The following COL1A1 variants were observed in gnomAD, a reference collection of about 807,000 sequenced individuals.
The protein encoded by COL1A1 is collagen alpha-1(I) chain.
Under a neutral mutation model 195.7 loss-of-function variants are expected in COL1A1, and 21 were observed. The ratio of observed to expected loss-of-function variants is 0.11; its 90% CI spans 0.08 to 0.15. COL1A1 has a LOEUF of 0.15. Among genes scored for constraint, COL1A1 ranks in the 10% least tolerant of loss-of-function variants. COL1A1 has a pLI of 1.00. For synonymous variants in COL1A1, 749 were observed against 747.3 expected (o/e 1.00, Z -0.04); for missense variants, 1,365 against 2,051.0 (o/e 0.67, Z 6.46).
In COL1A1 at chr17:50,187,856, G is replaced by A. The variant is rs1255761468; in HGVS notation, c.3369+20C>T. ...CCCACAGCACAGCATGGGGACTGGG[G>A]AGGGGCTGAGCATACTTACAGGAGG... On this transcript the variant is annotated intron_variant, in intron 45 of 50. Transcript: ENST00000225964. The A allele has an allele frequency of 1.3e-6, 2 of 1,573,372 alleles. No homozygotes were observed. The highest frequency in any genetic ancestry group is 1.7e-6 in the Non-Finnish European group (2 of 1,155,530).
chr17:50,188,822 G>C lies in COL1A1; in HGVS notation c.3046-27C>G. Reference sequence around the variant, plus strand: ...TGCAGAGAGAGAGAGAGAGAAGTGAGAGTCAGCCGGGGAAGAGGGCTTAGG... The same window carrying C: ...TGCAGAGAGAGAGAGAGAGAAGTGACAGTCAGCCGGGGAAGAGGGCTTAGG... On this transcript the variant is annotated intron_variant, in intron 41 of 50. Transcript: ENST00000225964. This position sits in a 1 kb window ranked among gnomAD's most constrained non-coding sequence, Gnocchi z 5.6. The C allele has an allele frequency of 3.1e-6, 5 of 1,612,838 alleles. No individual in the cohort carries two copies. The highest frequency in any genetic ancestry group is 4.2e-6 in the Non-Finnish European group (5 of 1,178,898).
rs772949511 is a variant in COL1A1, at chr17:50,195,398, G to T, written c.1200+36C>A. 2.9e-5 allele frequency: 46 copies of T among 1,613,790 alleles called. No homozygotes were observed. The highest frequency in any genetic ancestry group is 3.7e-5 in the Non-Finnish European group (44 of 1,179,806). ...GGAAAGGGGCAGGCAGGCTGCAGGC[G>T]GCAGGAGTGGGACTGAAGCCTGGCA... On this transcript the variant is annotated intron_variant, in intron 18 of 50. Transcript: ENST00000225964. The surrounding 1 kb of genome is among the most constrained non-coding windows in gnomAD (Gnocchi z 4.3).
rs938646445 is a variant in COL1A1, at chr17:50,188,258, C to T, written c.3208-109G>A. 4.9e-5 allele frequency: 55 copies of T among 1,127,524 alleles called. 2 individuals are homozygous for T. The East Asian group carries it at 1.4e-3, about 29-fold the overall frequency. 69.8% of individuals were successfully genotyped at this position (1,127,524 alleles called of 1,614,324 possible). ...TCTCTCTCTCCTCAGCTGCTTCCCA[C>T]TGTGGCCATCTCTCCCAACTCCCAG... On this transcript the variant is annotated intron_variant, in intron 43 of 50. Coordinates refer to ENST00000225964, the MANE Select transcript of COL1A1 (RefSeq NM_000088.4). The surrounding 1 kb of genome is among the most constrained non-coding windows in gnomAD (Gnocchi z 5.6).
Position 50,198,416 on chromosome 17 carries a change from T to A in COL1A1, c.543+17A>T. 1 of 1,611,526 alleles carries A rather than the reference T, an allele frequency of 6.2e-7. No individual in the cohort carries two copies. The highest frequency in any genetic ancestry group is 8.5e-7 in the Non-Finnish European group (1 of 1,178,714). On this transcript the variant is annotated intron_variant, in intron 6 of 50. Coordinates refer to ENST00000225964, the MANE Select transcript of COL1A1 (RefSeq NM_000088.4). ...CCATTCTCTCTTCTGTCATCCATGC[T>A]CCCCCTGCTGGCTCACCATGGGGCC... is the stretch of plus-strand genomic sequence containing the variant.
Position 50,190,213 on chromosome 17 carries a change from A to G in COL1A1, c.2452-105T>C. The G allele has an allele frequency of 7.8e-7, 1 of 1,276,582 alleles. No homozygotes were observed. The highest frequency in any genetic ancestry group is 1.2e-5 in the South Asian group (1 of 83,954). 79.1% of individuals were successfully genotyped at this position (1,276,582 alleles called of 1,614,324 possible). A position where few individuals can be genotyped will look rare whatever the true frequency, so the allele number is the denominator to read the frequency against. On this transcript the variant is annotated intron_variant, in intron 35 of 50. Transcript: ENST00000225964. The surrounding 1 kb of genome is among the most constrained non-coding windows in gnomAD (Gnocchi z 4.7). The stretch of plus-strand genomic sequence containing the variant: ...CAGGAAGATGCTTGGGTGGGAAACA[A>G]TCCCGTCTCCACCCTTCTCCCCTGA...
Position 50,188,426 on chromosome 17 carries a change from T to C in COL1A1, c.3207+104A>G, listed in dbSNP as rs1906745535. On this transcript the variant is annotated intron_variant, in intron 43 of 50. Transcript: ENST00000225964. This position sits in a 1 kb window ranked among gnomAD's most constrained non-coding sequence, Gnocchi z 5.6. ...TGACATCTTGCAGGATCTCCTTTCC[T>C]CCCCCTGCCTGGGTGAAGTCCGACA... is the stretch of plus-strand genomic sequence containing the variant. 6 of 1,170,598 alleles carry C rather than the reference T, an allele frequency of 5.1e-6. No homozygotes were observed. Among genetic ancestry groups the C allele is most frequent in the Admixed American group, 1.8e-5 (1 of 56,378 alleles). The allele number at this position is 1,170,598 out of a possible 1,614,324, so 72.5% of individuals were successfully genotyped here.
In COL1A1 at chr17:50,191,478, C is replaced by T; in HGVS notation, c.2140G>A (p.Ala714Thr). Residue 714 changes from alanine to threonine, a missense_variant, in exon 32 of 51, where the codon GCC becomes ACC. This residue lies in a region of COL1A1 where 671 missense variants were observed against 1,099.9 expected (regional missense o/e 0.61). Coordinates refer to ENST00000225964, the MANE Select transcript of COL1A1 (RefSeq NM_000088.4). ...GNDGAKGDAG[A>T]PGAPGSQGAP... ...CCCTGGCTACCGGGAGCTCCAGGGG[C>T]ACCAGCATCACCCTATGTGACAACC... 1 of 1,609,010 alleles carries T rather than the reference C, an allele frequency of 6.2e-7. No homozygotes were observed. Among genetic ancestry groups the T allele is most frequent in the Non-Finnish European group, 8.5e-7 (1 of 1,178,060 alleles).
intron 29 of COL1A1, 77 bp from the exon 30 acceptor site, chr17:50,192,101 C>A: frequency 6.7e-7 from 1 of 1,487,518 alleles, no homozygotes; most frequent in South Asian, 1.2e-5. Context: ...ACGGTCCTTC[C>A]TCCTGGGGTC....
At position 50,190,912 on chromosome 17, in the gene COL1A1, G is replaced by A. The variant is rs1463046867; in HGVS notation, c.2248C>T (p.Pro750Ser). 6.2e-7 allele frequency: 1 copy of A among 1,614,056 alleles called. No individual in the cohort carries two copies. The highest frequency in any genetic ancestry group is 8.5e-7 in the Non-Finnish European group (1 of 1,179,986). The change falls in exon 33 of 51, where the codon CCC (proline) becomes TCC (serine). Residue 750 changes from proline (P) to serine (S), a missense_variant. Coordinates refer to ENST00000225964, the MANE Select transcript of COL1A1 (RefSeq NM_000088.4). The surrounding 1 kb of genome is among the most constrained non-coding windows in gnomAD (Gnocchi z 4.7). ...GPKGDRGDAG[P>S]KGADGSPGKD... ...CCAGGAGAGCCATCAGCACCTTTGG[G>A]ACCAGCATCACCCTAAAGACATGGA...
intron 5 of COL1A1, 190 bp from the exon 6 acceptor site, chr17:50,198,694 A>T: frequency 1.6e-6 from 1 of 624,786 alleles, no homozygotes; most frequent in Non-Finnish European, 2.9e-6. Flanking sequence ...AAATTGAGGG[A>T]CAGTCTGCAA....
chr17:50,198,437 G>T lies in COL1A1; in HGVS notation c.539C>A (p.Pro180His). ...ATGCTCCCCCTGCTGGCTCACCATG[G>T]GGCCAGGCACGGAAATTCCTCCGGT... is the stretch of plus-strand genomic sequence containing the variant. ...KSTGGISVPG[P>H]MGPSGPRGLP... Residue 180 changes from proline to histidine, a missense_variant, in exon 6 of 51, where the codon CCC becomes CAC. Physicochemically the swap from Pro to His is moderately conservative, Grantham distance 77. Transcript: ENST00000225964. 6.2e-7 allele frequency: 1 copy of T among 1,613,274 alleles called. No homozygotes were observed. The highest frequency in any genetic ancestry group is 8.5e-7 in the Non-Finnish European group (1 of 1,179,680).
In COL1A1 at chr17:50,187,531, G is replaced by A. The variant is rs376986354; in HGVS notation, c.3376C>T (p.Pro1126Ser). Residue 1126 changes from proline (P) to serine (S), a missense_variant, in exon 46 of 51, where the codon CCT (proline) becomes TCT (serine). Physicochemically the swap from Pro to Ser is moderately conservative, Grantham distance 74. Coordinates refer to ENST00000225964, the MANE Select transcript of COL1A1 (RefSeq NM_000088.4). The stretch of plus-strand genomic sequence containing the variant: ...GCTCCAGAGGGACCTTGTTCACCAG[G>A]AGAGCCCTGAAGGACAGATAAAAAA... Reference protein sequence around the residue: ...LQGPPGPPGSPGEQGPSGASG... With the variant: ...LQGPPGPPGSSGEQGPSGASG... The A allele has an allele frequency of 2.5e-6, 4 of 1,614,014 alleles. No individual in the cohort carries two copies. In the South Asian group the frequency reaches 3.3e-5, roughly 13 times the overall value.
chr17:50,192,737 G>A lies in COL1A1; in HGVS notation c.1876-44C>T, dbSNP rs1800695. 191,143 of 1,613,964 alleles carry A rather than the reference G, an allele frequency of 0.12. 12,268 individuals carry two copies. Among genetic ancestry groups the A allele is most frequent in the Middle Eastern group, 0.16 (946 of 6,062 alleles). On this transcript the variant is annotated intron_variant, in intron 27 of 50. Coordinates refer to ENST00000225964, the MANE Select transcript of COL1A1 (RefSeq NM_000088.4). ...ACAGTCACGGGGAGGCCGAGGAGAC[G>A]AGGGGCTGAGGGTGTCTCCCCTTTT...
At chr17:50,199,143 A>G (rs1907838352) in intron 5 of COL1A1, 83 bp downstream of exon 5, 1 of 1,404,814 alleles carries the variant, frequency 7.1e-7, no homozygotes, top group Non-Finnish European at 9.3e-7. Flanking sequence ...GTTTGAAATT[A>G]TTTCAAAGTA....
chr17:50,192,968 G>A (rs541971520), intron 26 of COL1A1, 26 bp downstream of exon 26: 2 of 1,613,700 alleles, frequency 1.2e-6, no homozygotes, highest in African/African-American at 1.3e-5. Context: ...ATGGGAAGGA[G>A]GTAGGGATGG....
chr17:50,189,512 A>C lies in COL1A1; in HGVS notation c.2694T>G (p.Pro898=). ...PSGNAGPPGP[P]GPAGKEGGKG... is the part of the protein sequence containing the mutation. The stretch of plus-strand genomic sequence containing the variant: ...TGCCGCCTTCTTTGCCAGCAGGACC[A>C]GGAGGGCCAGGGGGTCCAGCATTTC... The change falls in exon 39 of 51, where the codon CCT becomes CCG. Residue 898 remains proline (P), a synonymous_variant. Coordinates refer to ENST00000225964, the MANE Select transcript of COL1A1 (RefSeq NM_000088.4). This position sits in a 1 kb window ranked among gnomAD's most constrained non-coding sequence, Gnocchi z 5.5. The C allele has an allele frequency of 6.2e-7, 1 of 1,613,872 alleles. No individual in the cohort carries two copies. Among genetic ancestry groups the C allele is most frequent in the Non-Finnish European group, 8.5e-7 (1 of 1,179,964 alleles).
chr17:50,196,353 C>G lies in COL1A1; in HGVS notation c.918G>C (p.Leu306=). ...CTCCAGGGCGACCTCTCTCACCAGGCAGGCCACGGGGGCCCTGACAACCAA... is the reference window on the plus strand; with the variant it reads ...CTCCAGGGCGACCTCTCTCACCAGGGAGGCCACGGGGGCCCTGACAACCAA... ...GAPGQMGPRG[L]PGERGRPGAP... Residue 306 remains leucine (L), a synonymous_variant, in exon 14 of 51, where the codon CTG becomes CTC. Coordinates refer to ENST00000225964, the MANE Select transcript of COL1A1 (RefSeq NM_000088.4). 1.2e-6 allele frequency: 2 copies of G among 1,612,974 alleles called. No individual in the cohort carries two copies. The highest frequency in any genetic ancestry group is 1.7e-6 in the Non-Finnish European group (2 of 1,179,418).
intron 29 of COL1A1, 60 bp downstream of exon 29, chr17:50,192,415 G>T: frequency 6.5e-7 from 1 of 1,529,810 alleles, no homozygotes; most frequent in Non-Finnish European, 8.9e-7. Context: ...CTAGGAGCGG[G>T]GGCCTGTCCC....
At chr17:50,196,442 C>A (rs1907597635) in intron 13 of COL1A1, 42 bp downstream of exon 13, 1 of 1,614,042 alleles carries the variant, frequency 6.2e-7, no homozygotes, top group Admixed American at 1.7e-5. Context: ...CTTGCCCCTG[C>A]CTCCTGCCCC....
Sources: allele counts gnomAD v4.1 joint callset, GRCh38; gene constraint gnomAD v4.1.1; regional missense constraint gnomAD v4.1.1; non-coding constraint Gnocchi (gnomAD v3.1); transcripts MANE v1.5; gene names NCBI Gene and HGNC (gene_info 2026-07-23, HGNC 2026-07-21).